Variants in ZNF423 observed in about 807,000 individuals in gnomAD.
The protein encoded by ZNF423 is zinc finger protein 423, also known as Ebf-associated zinc finger protein.
ZNF423 carries 12 observed loss-of-function variants against 95.8 expected under a neutral mutation model. That is an observed-to-expected ratio of 0.13 (90% confidence interval 0.08 to 0.20). The LOEUF (loss-of-function observed/expected upper bound fraction) is 0.20, where lower values mean the gene tolerates loss of function less well. Ranked by LOEUF, ZNF423 falls within the 10% of genes least tolerant of loss-of-function variation. The pLI is 1.00. For missense variants in ZNF423, 1,316 were observed against 1,737.1 expected, an observed-to-expected ratio of 0.76 and a Z score of 4.31; for synonymous variants, 749 against 711.9, an observed-to-expected ratio of 1.05 and a Z score of -0.83.
chr16:49,826,533 T>C (rs1435802281), intron 1 of ZNF423, among the ~76,000 whole-genome samples: 2 of 152,168 alleles, frequency 1.3e-5, no homozygotes, highest in Non-Finnish European at 2.9e-5. Flanking sequence ...GGAAGGTCAT[T>C]ACCCTCCCTA....
intron 5 of ZNF423, among the ~76,000 whole-genome samples, chr16:49,546,952 C>A (rs1238675488): frequency 6.6e-6 from 1 of 151,718 alleles, no homozygotes; most frequent in Non-Finnish European, 1.5e-5. Context: ...CTCCTCTGAG[C>A]CTCAGTTTTC....
At chr16:49,559,177 C>A (rs950775485) in intron 5 of ZNF423, among the ~76,000 whole-genome samples, 1 of 152,234 alleles carries the variant, frequency 6.6e-6, no homozygotes, top group Admixed American at 6.5e-5. Context: ...ACAGAGAAAG[C>A]GAGTCCCAGA....
chr16:49,500,054 A>T (rs1366978147), intron 7 of ZNF423, among the ~76,000 whole-genome samples: 1 of 152,176 alleles, frequency 6.6e-6, no homozygotes, highest in East Asian at 1.9e-4. Context: ...TTTAGATAGC[A>T]GCCGTGCAAG....
chr16:49,760,257 TAATG>T (rs1485732600), intron 2 of ZNF423, among the ~76,000 whole-genome samples: 8 of 124,246 alleles, frequency 6.4e-5, no homozygotes, highest in Non-Finnish European at 8.0e-5. Context: ...ATGGATGGAT[TAATG>T]AATGGATGGA....
At chr16:49,497,518 C>T (rs1268911061) in intron 7 of ZNF423, among the ~76,000 whole-genome samples, 1 of 152,194 alleles carries the variant, frequency 6.6e-6, no homozygotes, top group Non-Finnish European at 1.5e-5. Flanking sequence ...GAACACTCAG[C>T]CCCCACACCC....
intron 3 of ZNF423, among the ~76,000 whole-genome samples, chr16:49,713,815 A>T (rs968178686): frequency 2.6e-5 from 4 of 152,148 alleles, no homozygotes; most frequent in African/African-American, 7.2e-5. Flanking sequence ...GACTGGAGAG[A>T]CAGAAAGTCA....
At chr16:49,658,799 G>A (rs755531176) in intron 3 of ZNF423, among the ~76,000 whole-genome samples, 2 of 152,196 alleles carry the variant, frequency 1.3e-5, no homozygotes, top group African/African-American at 4.8e-5. Context: ...CATCAAGGCT[G>A]GGGCATGTGG....
chr16:49,545,300 C>G (rs1040227542), intron 5 of ZNF423, among the ~76,000 whole-genome samples: 1 of 152,160 alleles, frequency 6.6e-6, no homozygotes, highest in African/African-American at 2.4e-5. Flanking sequence ...ATCTCAGGGC[C>G]CTGACTCCTT....
In ZNF423 at chr16:49,815,905, TATATATATA is replaced by T. The variant is rs1419885076; in HGVS notation, c.41-26368_41-26360del. 6.8e-3 allele frequency among the ~76,000 whole-genome samples: 306 copies of T among 45,024 alleles called. 1 individual carries two copies. The highest frequency in any genetic ancestry group is 9.7e-3 in the Non-Finnish European group (237 of 24,444). 29.5% of individuals were successfully genotyped at this position (45,024 alleles called of 152,430 possible). On this transcript the variant is annotated intron_variant, in intron 1 of 7. Transcript: ENST00000563137. ...AAATATATATATATATATATATATA[TATATATATA>T]TTTTTTTTTTTTTTTTTTTTTTGAG...
At chr16:49,530,113 A>G (rs1395599342) in intron 5 of ZNF423, among the ~76,000 whole-genome samples, 1 of 152,150 alleles carries the variant, frequency 6.6e-6, no homozygotes, top group Non-Finnish European at 1.5e-5. Flanking sequence ...GACTGGAGTA[A>G]GTTACTTTGC....
At chr16:49,522,534 AG>A (rs1176938833) in intron 7 of ZNF423, among the ~76,000 whole-genome samples, 1 of 151,532 alleles carries the variant, frequency 6.6e-6, no homozygotes, top group Non-Finnish European at 1.5e-5. Flanking sequence ...AGAGACCGAG[AG>A]GAGGTTTGTT....
intron 5 of ZNF423, among the ~76,000 whole-genome samples, chr16:49,611,346 A>G (rs1229539799): frequency 6.6e-6 from 1 of 152,044 alleles, no homozygotes; most frequent in Admixed American, 6.5e-5. Flanking sequence ...TTAATAGCAG[A>G]AAGGCAGGAA....
chr16:49,522,530 C>G (rs901517136), intron 7 of ZNF423, among the ~76,000 whole-genome samples: 2 of 151,970 alleles, frequency 1.3e-5, no homozygotes, highest in African/African-American at 4.8e-5. Flanking sequence ...ACACAGAGAC[C>G]GAGAGGAGGT....
At chr16:49,528,232 GAA>G (rs1356914790) in intron 5 of ZNF423, among the ~76,000 whole-genome samples, 4 of 152,066 alleles carry the variant, frequency 2.6e-5, no homozygotes, top group Admixed American at 2.0e-4. Context: ...ATAAATCAGA[GAA>G]ATCATGTCTG....
chr16:49,851,000 C>T (rs2035296149), intron 1 of ZNF423, among the ~76,000 whole-genome samples: 1 of 152,280 alleles, frequency 6.6e-6, no homozygotes, highest in East Asian at 1.9e-4. Context: ...GGAGGGCTGT[C>T]GGGAACTCAG....
intron 3 of ZNF423, among the ~76,000 whole-genome samples, chr16:49,642,913 C>T (rs1019299016): frequency 6.7e-6 from 1 of 150,154 alleles, no homozygotes; most frequent in African/African-American, 2.5e-5. Flanking sequence ...CTCTGCCTCC[C>T]AGGTTCAAGC....
rs74016906 is a variant in ZNF423 at position 49,635,592 on chromosome 16, G to A, written c.3516+68C>T. ...GGAAACACGGCACTCAGGGTACGTG[G>A]CTCCTGTGGGGACCAGAGGAGCCCC... is the stretch of plus-strand genomic sequence containing the variant. On this transcript the variant is annotated intron_variant, in intron 4 of 7. Transcript: ENST00000563137. The surrounding 1 kb of genome is among the most constrained non-coding windows in gnomAD (Gnocchi z 4.8). 992 of 1,492,994 alleles carry A rather than the reference G, an allele frequency of 6.6e-4. 10 individuals are homozygous for A. The African/African-American group carries it at 0.012, about 18-fold the overall frequency. The allele number at this position is 1,492,994 out of a possible 1,614,324, so 92.5% of individuals were successfully genotyped here.
chr16:49,521,250 T>C (rs1164507531), intron 7 of ZNF423, among the ~76,000 whole-genome samples: 2 of 152,198 alleles, frequency 1.3e-5, no homozygotes, highest in Non-Finnish European at 2.9e-5. Flanking sequence ...TTTGGGACAA[T>C]GCAGGCGAGC....
chr16:49,560,503 G>A (rs558577019), intron 5 of ZNF423, among the ~76,000 whole-genome samples: 3 of 152,186 alleles, frequency 2.0e-5, no homozygotes, highest in East Asian at 1.9e-4. Flanking sequence ...CTTCCCTCTC[G>A]CAGCATGATG....
Sources: gnomAD v4.1 joint callset for allele counts (sites outside exome capture counted in the v4.1 genomes callset) on GRCh38, gnomAD v4.1.1 for gene constraint, Gnocchi (gnomAD v3.1) non-coding constraint, MANE v1.5 for transcripts, NCBI Gene and HGNC (gene_info 2026-07-23, HGNC 2026-07-21) for gene names.